The following ITGAE variants were observed in gnomAD, a reference collection of about 807,000 sequenced individuals.
The protein encoded by ITGAE is integrin subunit alpha E.
A neutral mutation model predicts 136.5 loss-of-function variants in ITGAE; 99 were observed. The ratio of observed to expected loss-of-function variants is 0.73; its 90% CI spans 0.62 to 0.86. ITGAE has a LOEUF of 0.86. Ranked by LOEUF, ITGAE falls within the 40% of genes least tolerant of loss-of-function variation. ITGAE has a pLI of 0.00. For synonymous variants in ITGAE, 613 were observed against 591.8 expected (o/e 1.04, Z -0.52); for missense variants, 1,447 against 1,515.3 (o/e 0.95, Z 0.75).
intron 1 of ITGAE, among the ~76,000 whole-genome samples, chr17:3,791,250 G>C (rs533497404): frequency 6.6e-6 from 1 of 152,004 alleles, no homozygotes; most frequent in South Asian, 2.1e-4. Flanking sequence ...ATTTAGTTAG[G>C]TGGTAAGAAC....
chr17:3,765,582 C>T (rs1477278932), intron 2 of ITGAE, among the ~76,000 whole-genome samples: 1 of 152,128 alleles, frequency 6.6e-6, no homozygotes, highest in African/African-American at 2.4e-5. Flanking sequence ...CCACCCCAAG[C>T]TGACTTCCCA....
At chr17:3,757,250 C>T in intron 9 of ITGAE, 116 bp from the exon 10 acceptor site, 1 of 1,220,374 alleles carries the variant, frequency 8.2e-7, no homozygotes, top group Non-Finnish European at 1.2e-6. Flanking sequence ...CTCCTTCCTT[C>T]CTTTCTCCTC....
intron 8 of ITGAE, among the ~76,000 whole-genome samples, chr17:3,759,009 C>T (rs971500669): frequency 6.6e-6 from 1 of 151,660 alleles, no homozygotes; most frequent in Non-Finnish European, 1.5e-5. Context: ...CCTGTAGTCC[C>T]AGCTACTCGG....
At position 3,757,698 on chromosome 17, in the gene ITGAE, G is replaced by A; in HGVS notation, c.1020+8C>T. 1 of 1,613,434 alleles carries A rather than the reference G, an allele frequency of 6.2e-7. No individual in the cohort carries two copies. Among genetic ancestry groups the A allele is most frequent in the Non-Finnish European group, 8.5e-7 (1 of 1,179,480 alleles). On this transcript the variant is annotated splice_region_variant and intron_variant, in intron 9 of 30. Coordinates refer to ENST00000263087, the MANE Select transcript of ITGAE (RefSeq NM_002208.5). ...TTCAGGAGGTGTCTCCCGGCTCCTG[G>A]CTCTTACCCCAATGGCAAAGCGCTC...
intron 23 of ITGAE, 50 bp from the exon 24 acceptor site, chr17:3,729,605 G>A: frequency 4.2e-6 from 5 of 1,202,574 alleles, no homozygotes; most frequent in Non-Finnish European, 6.2e-6. Flanking sequence ...TACATAGCAA[G>A]TGCTTCTTAA....
chr17:3,777,547 G>T lies in ITGAE; in HGVS notation c.148C>A (p.Gln50Lys). The change falls in exon 2 of 31, where the codon CAG becomes AAG. Residue 50 changes from glutamine to lysine, a missense_variant. Transcript: ENST00000263087. The part of the protein sequence containing the change: ...SLLHQDPSTN[Q>K]TWLLVTSPRT... ...CCCACCGGCCCTACTCACCAGGTCTGGTTGGTGCTGGGGTCTTGGTGCAGA... is the reference window on the plus strand; with the variant it reads ...CCCACCGGCCCTACTCACCAGGTCTTGTTGGTGCTGGGGTCTTGGTGCAGA... 1 of 1,612,958 alleles carries T rather than the reference G, an allele frequency of 6.2e-7. No homozygotes were observed. The highest frequency in any genetic ancestry group is 8.5e-7 in the Non-Finnish European group (1 of 1,179,262).
intron 2 of ITGAE, among the ~76,000 whole-genome samples, chr17:3,775,495 C>T (rs760627930): frequency 4.6e-5 from 7 of 151,482 alleles, no homozygotes; most frequent in Admixed American, 1.3e-4. Flanking sequence ...AGTCTCGCTC[C>T]GTCACCCAGG....
At chr17:3,739,528 G>A (rs994913602) in intron 20 of ITGAE, among the ~76,000 whole-genome samples, 1 of 152,182 alleles carries the variant, frequency 6.6e-6, no homozygotes, top group Non-Finnish European at 1.5e-5. Flanking sequence ...AGCATTGTCC[G>A]GGATGTCAAG....
rs757960144 is a variant in ITGAE, at chr17:3,798,064, C to A, written c.34+3047G>T. On this transcript the variant is annotated intron_variant, in intron 1 of 30. Transcript: ENST00000263087. This position sits in a 1 kb window ranked among gnomAD's most constrained non-coding sequence, Gnocchi z 4.3. ...CCCGCATTCCTCCACTTATACCACA[C>A]CTGCCACACGAATGCAGGCCTCCCA... 6.6e-6 allele frequency among the ~76,000 whole-genome samples: 1 copy of A among 152,216 alleles called. No individual in the cohort carries two copies. Among genetic ancestry groups the A allele is most frequent in the Non-Finnish European group, 1.5e-5 (1 of 68,048 alleles).
chr17:3,714,985 G>T, intron 30 of ITGAE, 43 bp from the exon 31 acceptor site: 1 of 1,208,170 alleles, frequency 8.3e-7, no homozygotes, highest in Non-Finnish European at 1.2e-6. Flanking sequence ...GCCAAAGATA[G>T]CCATCTGTTT....
At chr17:3,763,831 G>A (rs745914946) in intron 3 of ITGAE, 38 bp downstream of exon 3, 1 of 1,509,890 alleles carries the variant, frequency 6.6e-7, no homozygotes, top group African/African-American at 1.4e-5. Flanking sequence ...TAGAAAGGGG[G>A]TCCTGGGGAG....
chr17:3,715,399 C>G (rs563247245), intron 30 of ITGAE, among the ~76,000 whole-genome samples: 8 of 152,218 alleles, frequency 5.3e-5, no homozygotes, highest in Admixed American at 3.9e-4. Flanking sequence ...AGGGAGCTCA[C>G]AGCAAACACA....
intron 16 of ITGAE, 99 bp downstream of exon 16, chr17:3,750,253 C>T (rs2051830526): frequency 6.6e-7 from 1 of 1,504,192 alleles, no homozygotes; most frequent in Non-Finnish European, 8.9e-7. Context: ...ACGGTGCTGG[C>T]TCCCTCCCTC....
At chr17:3,736,120 G>A (rs556352564) in intron 20 of ITGAE, among the ~76,000 whole-genome samples, 5 of 152,030 alleles carry the variant, frequency 3.3e-5, no homozygotes, top group South Asian at 2.1e-4. Context: ...TCCAGCCTGG[G>A]TGACAGCATG....
Position 3,755,199 on chromosome 17 carries a change from G to C in ITGAE, c.1302C>G (p.Asp434Glu), listed in dbSNP as rs1014330799. The C allele has an allele frequency of 1.9e-6, 3 of 1,580,478 alleles. No homozygotes were observed. The Admixed American group carries it at 5.4e-5, about 28-fold the overall frequency. Residue 434 changes from aspartate to glutamate, a missense_variant, in exon 12 of 31, where the codon GAC becomes GAG. Asp to Glu is a conservative substitution (Grantham distance 45, BLOSUM62 2). Coordinates refer to ENST00000263087, the MANE Select transcript of ITGAE (RefSeq NM_002208.5). The part of the protein sequence containing the change: ...FDWSGGALLY[D>E]TRSRRGRFLN... ...GGAAGCGGCCCCGGCGGCTGCGTGT[G>C]TCGTAGAGCAACGCCCCTCCGGACC...
Position 3,732,386 on chromosome 17 carries a change from G to C in ITGAE, c.2736C>G (p.Pro912=), listed in dbSNP as rs1313362311. 2 of 1,613,898 alleles carry C rather than the reference G, an allele frequency of 1.2e-6. No individual in the cohort carries two copies. Among genetic ancestry groups the C allele is most frequent in the Middle Eastern group, 1.7e-4 (1 of 6,058 alleles). The change falls in exon 22 of 31, where the codon CCC becomes CCG. Residue 912 remains proline, a synonymous_variant. Coordinates refer to ENST00000263087, the MANE Select transcript of ITGAE (RefSeq NM_002208.5). ...VLIMNCRIGH[P]VLKRSSAHVS... is the part of the protein sequence containing the mutation. ...GACTCACAGATGACCTCTTGAGGAC[G>C]GGGTGACCAATCCTGCAGTTCATGA... is the stretch of plus-strand genomic sequence containing the variant.
In ITGAE at chr17:3,734,559, G is replaced by A. The variant is rs76506784; in HGVS notation, c.2655+258C>T. Among the ~76,000 whole-genome samples the A allele has an allele frequency of 2.8e-4, 43 of 152,272 alleles. No homozygotes were observed. The East Asian group carries it at 6.4e-3, about 23-fold the overall frequency. On this transcript the variant is annotated intron_variant, in intron 21 of 30. Coordinates refer to ENST00000263087, the MANE Select transcript of ITGAE (RefSeq NM_002208.5). ...ATTTTTACTTTCTCAGTGTCTTAGG[G>A]CATTAGACTCACTTCTCTCTCAGAA...
rs573248119 is a variant in ITGAE at position 3,771,091 on chromosome 17, G to T, written c.155+6449C>A. Among the ~76,000 whole-genome samples the T allele has an allele frequency of 8.9e-5, 13 of 145,496 alleles. No individual in the cohort carries two copies. In the South Asian group the frequency reaches 2.6e-3, roughly 29 times the overall value. On this transcript the variant is annotated intron_variant, in intron 2 of 30. Coordinates refer to ENST00000263087, the MANE Select transcript of ITGAE (RefSeq NM_002208.5). ...GTACATTCTTTGGGATCAACTCTGA[G>T]GGATTAAAAAAAAAAAAGAACATTC...
chr17:3,743,454 T>C (rs2143015380), intron 19 of ITGAE, 35 bp downstream of exon 19: 3 of 1,545,902 alleles, frequency 1.9e-6, no homozygotes, highest in Non-Finnish European at 2.6e-6. Context: ...GATAGGCTCT[T>C]AAGAGGGCTG....
Sources: allele counts gnomAD v4.1 joint callset (sites outside exome capture counted in the v4.1 genomes callset), GRCh38; gene constraint gnomAD v4.1.1; non-coding constraint Gnocchi (gnomAD v3.1); transcripts MANE v1.5; gene names NCBI Gene and HGNC (gene_info 2026-07-23, HGNC 2026-07-21).